SLC11A2: variants seen among roughly 807,000 people sequenced by gnomAD.
SLC11A2 encodes solute carrier family 11 member 2.
In SLC11A2, 38 loss-of-function variants were observed where a neutral mutation model predicts 68.0. The ratio of observed to expected loss-of-function variants is 0.56; its 90% CI spans 0.43 to 0.73. The LOEUF (loss-of-function observed/expected upper bound fraction) is 0.73, where lower values mean the gene tolerates loss of function less well. Among genes scored for constraint, SLC11A2 ranks in the 30% least tolerant of loss-of-function variants. The probability of loss-of-function intolerance (pLI) is 0.00; values close to 1 mark genes in which losing one functional copy is unlikely to be tolerated. For missense variants in SLC11A2, 517 were observed against 690.5 expected (o/e 0.75, Z 2.82); for synonymous variants, 242 against 250.6 (o/e 0.97, Z 0.32).
At chr12:51,009,130 C>T (rs752559871) in intron 2 of SLC11A2, 9 of 1,519,992 alleles carry the variant, frequency 5.9e-6, no homozygotes, top group East Asian at 2.5e-5. Context: ...AATAATCGAC[C>T]GTGGACATTA....
intron 1 of SLC11A2, among the ~76,000 whole-genome samples, chr12:51,012,367 ATCT>A (rs1169351016): frequency 6.6e-6 from 1 of 152,174 alleles, no homozygotes; most frequent in Non-Finnish European, 1.5e-5. Context: ...AAATGTTTCA[ATCT>A]TCTTATCTAC....
intron 1 of SLC11A2, among the ~76,000 whole-genome samples, chr12:51,019,912 T>C (rs912581542): frequency 6.6e-6 from 1 of 152,132 alleles, no homozygotes; most frequent in Non-Finnish European, 1.5e-5. Context: ...TCCAAAGTGC[T>C]GGGATTACAG....
chr12:50,957,834 G>A, the SLC11A2 span, among the ~76,000 whole-genome samples: 3 of 151,956 alleles, frequency 2.0e-5, no homozygotes, highest in African/African-American at 4.8e-5. Flanking sequence ...GCAGTGAGCC[G>A]AGATCATGCC....
At chr12:51,026,777 GCCCAGCACTTTGGGAGA>G (rs910767474), upstream of SLC11A2, among the ~76,000 whole-genome samples, 3 of 151,988 alleles carry the variant, frequency 2.0e-5, no homozygotes, top group African/African-American at 7.2e-5. Context: ...CACTTGTAAT[GCCCAGCACTTTGGGAGA>G]CCGAGGCGGG....
intron 5 of SLC11A2, 28 bp downstream of exon 5, chr12:51,004,760 G>A (rs1192916188): frequency 6.2e-7 from 1 of 1,612,320 alleles, no homozygotes; most frequent in African/African-American, 1.3e-5. Flanking sequence ...GCATGGGTGA[G>A]AGACAAACAG....
At chr12:50,991,407 A>G (rs1455304955) in intron 14 of SLC11A2, 192 bp downstream of exon 14, 7 of 612,686 alleles carry the variant, frequency 1.1e-5, no homozygotes, top group Non-Finnish European at 1.8e-5. Context: ...TCCCCTTCAT[A>G]TGAAAGACGT....
At chr12:50,993,465 G>A (rs902787113) in intron 11 of SLC11A2, among the ~76,000 whole-genome samples, 14 of 152,088 alleles carry the variant, frequency 9.2e-5, no homozygotes, top group Non-Finnish European at 2.9e-5. Flanking sequence ...GGCCAGGGTT[G>A]GAGAATCCCT....
In SLC11A2 at chr12:50,986,358, T is replaced by C. The variant is rs777505507; in HGVS notation, c.*1967A>G. 2.3e-6 allele frequency: 3 copies of C among 1,281,470 alleles called. No homozygotes were observed. The South Asian group carries it at 3.7e-5, about 16-fold the overall frequency. The allele number at this position is 1,281,470 out of a possible 1,614,324, so 79.4% of individuals were successfully genotyped here. ...TGTGAAGATCAAATGCAATAACGTA[T>C]GAGGGTATTTTTAACACTGTGAAGT... On this transcript the variant is annotated 3_prime_UTR_variant, in exon 16 of 16. Coordinates refer to ENST00000262052, the MANE Select transcript of SLC11A2 (RefSeq NM_000617.3).
At chr12:50,989,679 T>G (rs2136174068) in intron 15 of SLC11A2, among the ~76,000 whole-genome samples, 1 of 152,264 alleles carries the variant, frequency 6.6e-6, no homozygotes, top group African/African-American at 2.4e-5. Context: ...AGTTCCTAGA[T>G]CATAGGGTCA....
At chr12:50,974,651 A>C (rs1231082078), downstream of SLC11A2, among the ~76,000 whole-genome samples, 1 of 152,164 alleles carries the variant, frequency 6.6e-6, no homozygotes, top group African/African-American at 2.4e-5. Context: ...ATTAACCTTA[A>C]ATGTAAATGG....
chr12:50,959,102 T>TA, the SLC11A2 span, among the ~76,000 whole-genome samples: 1 of 152,164 alleles, frequency 6.6e-6, no homozygotes, highest in African/African-American at 2.4e-5. Flanking sequence ...CATATTCTAT[T>TA]ACATCTACCA....
intron 12 of SLC11A2, 68 bp downstream of exon 12, chr12:50,992,730 CAAAAAAAAAAAA>C (rs954460640): frequency 1.2e-6 from 1 of 830,558 alleles, no homozygotes; most frequent in African/African-American, 2.1e-5. Flanking sequence ...GACTCCATCT[CAAAAAAAAAAAA>C]AAAAGAAGAA....
Position 50,992,355 on chromosome 12 carries a change from G to A in SLC11A2, c.1198-16C>T. On this transcript the variant is annotated splice_polypyrimidine_tract_variant and intron_variant, in intron 12 of 15. Transcript: ENST00000262052. Reference sequence around the variant, plus strand: ...TCAGGAATCCCTGGAAGAAAACATAGGAGCAGATGACTGTCTGCAACAGGA... The same window carrying A: ...TCAGGAATCCCTGGAAGAAAACATAAGAGCAGATGACTGTCTGCAACAGGA... 6.2e-7 allele frequency: 1 copy of A among 1,613,366 alleles called. No individual in the cohort carries two copies. The highest frequency in any genetic ancestry group is 8.5e-7 in the Non-Finnish European group (1 of 1,179,774).
At chr12:50,978,003 A>G (rs1939872169), downstream of SLC11A2, among the ~76,000 whole-genome samples, 1 of 152,198 alleles carries the variant, frequency 6.6e-6, no homozygotes, top group East Asian at 1.9e-4. Flanking sequence ...AACAGGTACT[A>G]GAGAGGATGC....
At chr12:51,028,316 T>C (rs1944467624), upstream of SLC11A2, 4 of 963,500 alleles carry the variant, frequency 4.2e-6, no homozygotes, top group South Asian at 1.4e-5. Flanking sequence ...AAGGGCACTT[T>C]TGGGTGCTCT....
At chr12:50,992,662 G>A (rs1281002218) in intron 12 of SLC11A2, 148 bp downstream of exon 12, 3 of 796,518 alleles carry the variant, frequency 3.8e-6, no homozygotes, top group African/African-American at 3.5e-5. Flanking sequence ...AACCCGGGAG[G>A]TGGAGGTTGC....
chr12:50,989,146 T>C (rs1267886709), intron 15 of SLC11A2, among the ~76,000 whole-genome samples: 1 of 152,138 alleles, frequency 6.6e-6, no homozygotes, highest in African/African-American at 2.4e-5. Flanking sequence ...AGTTCCTGTT[T>C]TGAAGTTAAA....
chr12:51,008,676 A>G, intron 2 of SLC11A2, 52 bp from the exon 3 acceptor site: 1 of 1,413,248 alleles, frequency 7.1e-7, no homozygotes, highest in African/African-American at 1.4e-5. Flanking sequence ...AAAATACACT[A>G]ACAATTCATC....
the SLC11A2 span, among the ~76,000 whole-genome samples, chr12:50,957,168 T>C: frequency 6.6e-6 from 1 of 152,082 alleles, no homozygotes; most frequent in Non-Finnish European, 1.5e-5. Flanking sequence ...TATGCCAACA[T>C]AGTTATTCCA....
Sources: gnomAD v4.1 joint callset for allele counts (sites outside exome capture counted in the v4.1 genomes callset) on GRCh38, gnomAD v4.1.1 for gene constraint, MANE v1.5 for transcripts, NCBI Gene and HGNC (gene_info 2026-07-23, HGNC 2026-07-21) for gene names.